The following ARB2A variants were observed in gnomAD, a reference collection of about 807,000 sequenced individuals.
ARB2A encodes cotranscriptional regulator ARB2A.
the ARB2A span, among the ~76,000 whole-genome samples, chr5:93,971,283 T>G: frequency 2.0e-5 from 3 of 152,058 alleles, no homozygotes; most frequent in Non-Finnish European, 4.4e-5. Flanking sequence ...TAACACAATA[T>G]TTAGCCAGGC....
chr5:93,753,692 T>C, the ARB2A span, among the ~76,000 whole-genome samples: 32 of 152,344 alleles, frequency 2.1e-4, no homozygotes, highest in African/African-American at 7.5e-4. Context: ...CTTTCTAATT[T>C]TGAAGTGCCT....
the ARB2A span, among the ~76,000 whole-genome samples, chr5:93,633,248 A>C: frequency 1.3e-5 from 2 of 152,172 alleles, no homozygotes; most frequent in African/African-American, 4.8e-5. Context: ...ATCTAGATTT[A>C]ATGGTAGATC....
At chr5:93,680,898 T>C in the ARB2A span, among the ~76,000 whole-genome samples, 1 of 152,176 alleles carries the variant, frequency 6.6e-6, no homozygotes, top group Admixed American at 6.5e-5. Context: ...TATTGTTTCT[T>C]AGATAGATTT....
chr5:93,830,398 A>G, the ARB2A span, among the ~76,000 whole-genome samples: 1 of 146,078 alleles, frequency 6.8e-6, no homozygotes, highest in Non-Finnish European at 1.5e-5. Flanking sequence ...TCTGCGCTGG[A>G]AGTGTAGATG....
chr5:93,745,492 C>T, the ARB2A span, among the ~76,000 whole-genome samples: 73 of 152,178 alleles, frequency 4.8e-4, no homozygotes, highest in Non-Finnish European at 6.9e-4. Flanking sequence ...TCTGGATGTG[C>T]GAGTGATCTG....
chr5:94,026,264 G>A, the ARB2A span, among the ~76,000 whole-genome samples: 8 of 152,030 alleles, frequency 5.3e-5, no homozygotes, highest in African/African-American at 7.2e-5. Flanking sequence ...GCTGCTTCCC[G>A]TCGTATGGGG....
the ARB2A span, among the ~76,000 whole-genome samples, chr5:93,747,472 G>C: frequency 3.3e-5 from 5 of 152,008 alleles, no homozygotes; most frequent in African/African-American, 1.2e-4. Context: ...TCAAGAGGTA[G>C]TACCAGACAA....
chr5:93,635,659 C>T, the ARB2A span, among the ~76,000 whole-genome samples: 1 of 151,916 alleles, frequency 6.6e-6, no homozygotes, highest in Non-Finnish European at 1.5e-5. Flanking sequence ...AGGCTGGTCT[C>T]GAGCTCCTGA....
At chr5:93,915,633 A>C in the ARB2A span, among the ~76,000 whole-genome samples, 1 of 152,006 alleles carries the variant, frequency 6.6e-6, no homozygotes, top group Non-Finnish European at 1.5e-5. Context: ...CTTTCACACA[A>C]ACATATGAAA....
the ARB2A span, among the ~76,000 whole-genome samples, chr5:94,015,565 T>C: frequency 6.6e-6 from 1 of 152,080 alleles, no homozygotes; most frequent in African/African-American, 2.4e-5. Context: ...AGCCCAAAAG[T>C]CAAATCTATC....
the ARB2A span, among the ~76,000 whole-genome samples, chr5:93,634,865 C>T: frequency 3.3e-5 from 5 of 152,048 alleles, no homozygotes; most frequent in African/African-American, 1.2e-4. Context: ...AACCCCACAT[C>T]CTGGGTTCAA....
chr5:93,717,210 T>C, the ARB2A span, among the ~76,000 whole-genome samples: 1 of 152,196 alleles, frequency 6.6e-6, no homozygotes, highest in Non-Finnish European at 1.5e-5. Flanking sequence ...ACTGCATTGG[T>C]TAATTGATTC....
the ARB2A span, among the ~76,000 whole-genome samples, chr5:93,806,359 A>G: frequency 6.6e-6 from 1 of 151,962 alleles, no homozygotes. Context: ...TAATTTTTTC[A>G]TATTTTTATG....
At chr5:94,004,366 G>A in the ARB2A span, among the ~76,000 whole-genome samples, 1 of 152,066 alleles carries the variant, frequency 6.6e-6, no homozygotes. Flanking sequence ...CGGATCACAA[G>A]GTCAGGAGAT....
At chr5:93,646,142 G>T in the ARB2A span, among the ~76,000 whole-genome samples, 1 of 152,134 alleles carries the variant, frequency 6.6e-6, no homozygotes, top group African/African-American at 2.4e-5. Context: ...TAGTCTAAAA[G>T]ATTATCTCTA....
At chr5:93,924,189 C>T in the ARB2A span, among the ~76,000 whole-genome samples, 6 of 152,024 alleles carry the variant, frequency 3.9e-5, no homozygotes, top group South Asian at 4.2e-4. Context: ...TTTCATAGAT[C>T]ATTTTTGAAA....
the ARB2A span, among the ~76,000 whole-genome samples, chr5:93,689,161 A>G: frequency 6.6e-6 from 1 of 152,150 alleles, no homozygotes; most frequent in African/African-American, 2.4e-5. Flanking sequence ...CGGTTGTCAA[A>G]TGTACCACAT....
At chr5:93,684,358 G>A in the ARB2A span, among the ~76,000 whole-genome samples, 9 of 152,144 alleles carry the variant, frequency 5.9e-5, no homozygotes, top group Admixed American at 2.0e-4. Flanking sequence ...ATATTGTTAC[G>A]TGAGGATTAA....
At chr5:93,757,913 G>A in the ARB2A span, among the ~76,000 whole-genome samples, 14 of 152,254 alleles carry the variant, frequency 9.2e-5, no homozygotes, top group South Asian at 2.7e-3. Context: ...AACATTGAAA[G>A]TAAATGACCT....
Sources: gnomAD v4.1 joint callset for allele counts (sites outside exome capture counted in the v4.1 genomes callset) on GRCh38, gnomAD v4.1.1 for gene constraint, MANE v1.5 for transcripts, NCBI Gene and HGNC (gene_info 2026-07-23, HGNC 2026-07-21) for gene names.